The following PAK2 variants were observed in gnomAD, a reference collection of about 807,000 sequenced individuals.
PAK2 encodes the protein p21 (RAC1) activated kinase 2, also known as serine/threonine-protein kinase PAK 2.
In PAK2, 21 loss-of-function variants were observed where a neutral mutation model predicts 65.9. The observed-to-expected ratio is 0.32, with a 90% confidence interval of 0.23 to 0.46. The LOEUF is 0.46. PAK2 is among the 20% of genes least tolerant of loss of function. The pLI is 1.00. For synonymous variants in PAK2, 204 were observed against 219.7 expected (o/e 0.93, Z 0.63); for missense variants, 324 against 642.6 (o/e 0.50, Z 5.36).
At position 196,783,720 on chromosome 3, in the gene PAK2, T is replaced by G. The variant is rs73074651; in HGVS notation, c.187+887T>G. On this transcript the variant is annotated intron_variant, in intron 2 of 14. Coordinates refer to ENST00000327134, the MANE Select transcript of PAK2 (RefSeq NM_002577.4). Reference sequence around the variant, plus strand: ...CCTAACCTTCTCTTCGTCCCCAATATCCACCATTCTGCATTTTTATTGTAA... The same window carrying G: ...CCTAACCTTCTCTTCGTCCCCAATAGCCACCATTCTGCATTTTTATTGTAA... Among the ~76,000 whole-genome samples, 691 of 152,238 alleles carry G rather than the reference T, an allele frequency of 4.5e-3. 5 individuals are homozygous for G. Among genetic ancestry groups the G allele is most frequent in the African/African-American group, 0.016 (659 of 41,552 alleles).
At chr3:196,809,989 T>G (rs1381681489) in intron 7 of PAK2, among the ~76,000 whole-genome samples, 1 of 152,080 alleles carries the variant, frequency 6.6e-6, no homozygotes, top group Non-Finnish European at 1.5e-5. Flanking sequence ...AACATATGAT[T>G]AGTTTATGTC....
rs139268377 is a variant in PAK2 at position 196,825,462 on chromosome 3, T to A, written c.1351-1734T>A. On this transcript the variant is annotated intron_variant, in intron 13 of 14. Transcript: ENST00000327134. Reference sequence around the variant, plus strand: ...TTTAAGACCAGCCTGGCCAACACAGTGAAACCCCGTCTCTACTGAAAATAC... The same window carrying A: ...TTTAAGACCAGCCTGGCCAACACAGAGAAACCCCGTCTCTACTGAAAATAC... 3.0e-3 allele frequency among the ~76,000 whole-genome samples: 447 copies of A among 151,218 alleles called. 5 individuals are homozygous for A. Among genetic ancestry groups the A allele is most frequent in the Admixed American group, 0.022 (332 of 15,188 alleles).
In PAK2 at chr3:196,782,832, A is replaced by C. The variant is rs768706685; in HGVS notation, c.186A>C (p.Lys62Asn). 6.2e-7 allele frequency: 1 copy of C among 1,600,586 alleles called. No individual in the cohort carries two copies. Among genetic ancestry groups the C allele is most frequent in the Admixed American group, 1.7e-5 (1 of 58,008 alleles). Residue 62 changes from lysine to asparagine, a missense_variant and splice_region_variant, in exon 2 of 15, where the codon AAA becomes AAC. Lys to Asn is a moderately conservative substitution (Grantham distance 94). Transcript: ENST00000327134. Reference sequence around the variant, plus strand: ...TCTCCATATTCTCAGGCACAGAGAAAGGTAAATAGCGCTTCTGGCTTTCAG... The same window carrying C: ...TCTCCATATTCTCAGGCACAGAGAACGGTAAATAGCGCTTCTGGCTTTCAG... The part of the protein sequence containing the change: ...KIISIFSGTE[K>N]GSKKKEKERP...
intron 1 of PAK2, among the ~76,000 whole-genome samples, chr3:196,748,096 G>A (rs1210174213): frequency 6.6e-6 from 1 of 151,960 alleles, no homozygotes; most frequent in African/African-American, 2.4e-5. Context: ...AAATAGGTAT[G>A]AAATAAGTAT....
intron 12 of PAK2, 71 bp downstream of exon 12, chr3:196,818,227 C>T: frequency 1.5e-6 from 1 of 679,614 alleles, no homozygotes; most frequent in South Asian, 1.7e-5. Context: ...AAAAACTTTT[C>T]TTGACCAATG....
intron 1 of PAK2, among the ~76,000 whole-genome samples, chr3:196,770,623 G>T (rs555128123): frequency 1.3e-5 from 2 of 151,834 alleles, no homozygotes; most frequent in South Asian, 2.1e-4. Flanking sequence ...TTATTTTATT[G>T]TATTGTATTG....
At chr3:196,771,300 T>G (rs556515123) in intron 1 of PAK2, among the ~76,000 whole-genome samples, 1 of 152,174 alleles carries the variant, frequency 6.6e-6, no homozygotes, top group African/African-American at 2.4e-5. Context: ...AATTTGTCTT[T>G]TTTTCTCCTT....
intron 2 of PAK2, among the ~76,000 whole-genome samples, chr3:196,801,241 A>G (rs1715413933): frequency 6.6e-6 from 1 of 152,120 alleles, no homozygotes; most frequent in Admixed American, 6.6e-5. Flanking sequence ...CTGAGTGGAA[A>G]TGGGGTTTGC....
chr3:196,773,127 C>T (rs1649934728), intron 1 of PAK2, among the ~76,000 whole-genome samples: 1 of 152,176 alleles, frequency 6.6e-6, no homozygotes, highest in South Asian at 2.1e-4. Context: ...AGTCGTGTCA[C>T]AGTTAAACAG....
chr3:196,764,352 A>T (rs1250630716), intron 1 of PAK2, among the ~76,000 whole-genome samples: 1 of 152,078 alleles, frequency 6.6e-6, no homozygotes, highest in East Asian at 1.9e-4. Context: ...GCAGTGGCTC[A>T]CACCTATAAT....
At position 196,791,488 on chromosome 3, in the gene PAK2, A is replaced by C. The variant is rs1577724227; in HGVS notation, c.187+8655A>C. 1.3e-5 allele frequency among the ~76,000 whole-genome samples: 2 copies of C among 152,200 alleles called. No homozygotes were observed. The highest frequency in any genetic ancestry group is 2.4e-5 in the African/African-American group (1 of 41,460). On this transcript the variant is annotated intron_variant, in intron 2 of 14. Transcript: ENST00000327134. The surrounding 1 kb of genome is among the most constrained non-coding windows in gnomAD (Gnocchi z 4.0). ...TTTCTCTAAACTCTTAACGTTTCCA[A>C]GTTGAAGAATATGACTAGGCCTTAG...
At chr3:196,766,326 G>C (rs940549653) in intron 1 of PAK2, among the ~76,000 whole-genome samples, 1 of 152,080 alleles carries the variant, frequency 6.6e-6, no homozygotes, top group African/African-American at 2.4e-5. Flanking sequence ...AAATAATAGA[G>C]CTAATAACCC....
rs1715432063 is a variant in PAK2 at position 196,801,848 on chromosome 3, A to G, written c.188-79A>G. ...AACTCCATTTAAAAAAACAAAAGAC[A>G]AAAAATAAAATTATAAGTGCCTTTA... On this transcript the variant is annotated intron_variant, in intron 2 of 14. Coordinates refer to ENST00000327134, the MANE Select transcript of PAK2 (RefSeq NM_002577.4). The G allele has an allele frequency of 3.9e-6, 3 of 768,232 alleles. No homozygotes were observed. In the East Asian group the frequency reaches 7.6e-5, roughly 19 times the overall value. The allele number at this position is 768,232 out of a possible 1,614,324, so 47.6% of individuals were successfully genotyped here.
At chr3:196,780,042 A>G (rs1443981359) in intron 1 of PAK2, among the ~76,000 whole-genome samples, 1 of 152,252 alleles carries the variant, frequency 6.6e-6, no homozygotes, top group East Asian at 1.9e-4. Flanking sequence ...GTAGTAGCCC[A>G]TACTTAGGAA....
intron 5 of PAK2, among the ~76,000 whole-genome samples, 195 bp downstream of exon 5, chr3:196,805,578 A>G (rs1715558662): frequency 6.6e-6 from 1 of 152,194 alleles, no homozygotes; most frequent in South Asian, 2.1e-4. Context: ...GTGATACTTA[A>G]TGTAACTAAA....
At chr3:196,777,953 T>G (rs1714587446) in intron 1 of PAK2, among the ~76,000 whole-genome samples, 1 of 152,242 alleles carries the variant, frequency 6.6e-6, no homozygotes, top group Non-Finnish European at 1.5e-5. Context: ...TTTAGTGTAT[T>G]CACAGGGCTG....
intron 1 of PAK2, among the ~76,000 whole-genome samples, chr3:196,772,183 G>A (rs562361007): frequency 6.6e-6 from 1 of 152,232 alleles, no homozygotes; most frequent in Admixed American, 6.5e-5. Context: ...TTCCTGATTG[G>A]TTGTTATGTG....
chr3:196,764,795 A>G (rs1348303798), intron 1 of PAK2, among the ~76,000 whole-genome samples: 1 of 150,616 alleles, frequency 6.6e-6, no homozygotes, highest in African/African-American at 2.4e-5. Flanking sequence ...TTGGGATTAC[A>G]GCTGTGAGTC....
At chr3:196,747,261 C>T (rs1019798829) in intron 1 of PAK2, 2 of 151,476 alleles carry the variant, frequency 1.3e-5, no homozygotes, top group Non-Finnish European at 2.9e-5. Context: ...AATGTGTTTT[C>T]GATGAGCGGT....
Sources: allele counts gnomAD v4.1 joint callset (sites outside exome capture counted in the v4.1 genomes callset), GRCh38; gene constraint gnomAD v4.1.1; non-coding constraint Gnocchi (gnomAD v3.1); transcripts MANE v1.5; gene names NCBI Gene and HGNC (gene_info 2026-07-23, HGNC 2026-07-21).